MACC1: variants seen among roughly 807,000 people sequenced by gnomAD.
MACC1 encodes the protein MET transcriptional regulator MACC1.
In MACC1, 79 loss-of-function variants were observed where a neutral mutation model predicts 70.7. That is an observed-to-expected ratio of 1.12 (90% confidence interval 0.93 to 1.35). The LOEUF (loss-of-function observed/expected upper bound fraction) is 1.35, where lower values mean the gene tolerates loss of function less well. Ranked by LOEUF, MACC1 falls within the 40% of genes most tolerant of loss-of-function variation. The pLI is 0.00. For missense variants in MACC1, 1,106 were observed against 978.1 expected (o/e 1.13, Z -1.74); for synonymous variants, 361 against 347.2 (o/e 1.04, Z -0.44).
intron 5 of MACC1, among the ~76,000 whole-genome samples, chr7:20,155,043 A>G: frequency 6.6e-6 from 1 of 152,250 alleles, no homozygotes. Flanking sequence ...GGTATTAAAG[A>G]CAAAACACCT....
intron 1 of MACC1, among the ~76,000 whole-genome samples, chr7:20,196,832 G>C (rs183125637): frequency 6.6e-4 from 101 of 152,140 alleles, no homozygotes; most frequent in African/African-American, 2.4e-3. Flanking sequence ...AGTTCCTTTG[G>C]CTGAAAGGTA....
chr7:20,191,476 G>A (rs1214411499), intron 1 of MACC1, among the ~76,000 whole-genome samples: 3 of 131,632 alleles, frequency 2.3e-5, no homozygotes, highest in Non-Finnish European at 3.1e-5. Context: ...TGGAACTGAT[G>A]AGGAGGTGCT....
intron 1 of MACC1, among the ~76,000 whole-genome samples, chr7:20,207,808 ATATC>A (rs1782934674): frequency 6.6e-6 from 1 of 152,362 alleles, no homozygotes; most frequent in East Asian, 1.9e-4. Context: ...TCCATTCATA[ATATC>A]TATCATTGGC....
chr7:20,152,158 A>C (rs1583383843), intron 6 of MACC1, among the ~76,000 whole-genome samples: 1 of 152,314 alleles, frequency 6.6e-6, no homozygotes, highest in East Asian at 1.9e-4. Flanking sequence ...GTTAAAGGAG[A>C]GAAAGTAAGC....
chr7:20,176,402 C>A (rs1782393574), intron 1 of MACC1, among the ~76,000 whole-genome samples: 1 of 151,986 alleles, frequency 6.6e-6, no homozygotes, highest in South Asian at 2.1e-4. Context: ...CCAGATTCAA[C>A]CCGTATTGAA....
At position 20,154,475 on chromosome 7, in the gene MACC1, A is replaced by G. The variant is rs1583385240; in HGVS notation, c.2158-94T>C. 3 of 1,286,934 alleles carry G rather than the reference A, an allele frequency of 2.3e-6. No individual in the cohort carries two copies. In the East Asian group the frequency reaches 7.5e-5, roughly 32 times the overall value. The allele number at this position is 1,286,934 out of a possible 1,614,324, so 79.7% of individuals were successfully genotyped here. ...TTTTATTACATATTCTACAAATGGG[A>G]GTCCTTTTTTTTCACTACACGTATA... On this transcript the variant is annotated intron_variant, in intron 5 of 6. Coordinates refer to ENST00000400331, the MANE Select transcript of MACC1 (RefSeq NM_182762.4).
At chr7:20,178,761 T>A (rs10276266) in intron 1 of MACC1, among the ~76,000 whole-genome samples, 12,189 of 152,118 alleles carry the variant, frequency 0.08, 619 homozygotes, top group Non-Finnish European at 0.12. Flanking sequence ...CCACCACGCC[T>A]GGCTAATTTT....
intron 1 of MACC1, among the ~76,000 whole-genome samples, chr7:20,205,364 TTTTCCAGG>T (rs1782895952): frequency 6.6e-6 from 1 of 152,228 alleles, no homozygotes; most frequent in African/African-American, 2.4e-5. Context: ...TTAAAATATA[TTTTCCAGG>T]ACAAAGCAGG....
chr7:20,156,762 G>A (rs1373976851), intron 5 of MACC1, among the ~76,000 whole-genome samples: 1 of 151,998 alleles, frequency 6.6e-6, no homozygotes, highest in African/African-American at 2.4e-5. Flanking sequence ...GAGAGATAAT[G>A]TTATATATAT....
At position 20,135,858 on chromosome 7, in the gene MACC1, T is replaced by C. The variant is rs1165578084; in HGVS notation, c.*5088A>G. Reference sequence around the variant, plus strand: ...ACCAATTGTTCAAAAACAGTGTGTATTACATAATCAATTTCAAAAGATTAT... The same window carrying C: ...ACCAATTGTTCAAAAACAGTGTGTACTACATAATCAATTTCAAAAGATTAT... On this transcript the variant is annotated 3_prime_UTR_variant, in exon 7 of 7. Transcript: ENST00000400331. The C allele has an allele frequency of 1.3e-5, 2 of 152,208 alleles. No individual in the cohort carries two copies. The highest frequency in any genetic ancestry group is 4.8e-5 in the African/African-American group (2 of 41,450). 9.4% of individuals were successfully genotyped at this position (152,208 alleles called of 1,614,324 possible).
rs1169629474 is a variant in MACC1, at chr7:20,141,093, T to G, written c.2412A>C (p.Arg804Ser). The G allele has an allele frequency of 5.0e-6, 8 of 1,613,678 alleles. No individual in the cohort carries two copies. The South Asian group carries it at 7.7e-5, about 16-fold the overall frequency. Residue 804 changes from arginine to serine, a missense_variant, in exon 7 of 7, where the codon AGA (arginine) becomes AGC (serine). By Grantham distance (110) the Arg-to-Ser change is moderately radical. Transcript: ENST00000400331. ...TWSAHYGNNY[R>S]DVLQDLQSAL... Reference sequence around the variant, plus strand: ...CTGACTGAAGGTCTTGTAACACATCTCTGTAGTTATTTCCATAGTGAGCAC... The same window carrying G: ...CTGACTGAAGGTCTTGTAACACATCGCTGTAGTTATTTCCATAGTGAGCAC...
At chr7:20,181,814 G>A (rs1019170480) in intron 1 of MACC1, among the ~76,000 whole-genome samples, 3 of 151,820 alleles carry the variant, frequency 2.0e-5, no homozygotes, top group African/African-American at 7.3e-5. Context: ...TTAAAACATA[G>A]AACTTTCAAA....
chr7:20,184,876 T>A (rs1782561428), intron 1 of MACC1: 2 of 151,988 alleles, frequency 1.3e-5, no homozygotes, highest in African/African-American at 4.8e-5. Flanking sequence ...TATTTCATAT[T>A]ATTTCTTATT....
At chr7:20,215,459 G>T (rs949897464) in intron 1 of MACC1, among the ~76,000 whole-genome samples, 6 of 152,190 alleles carry the variant, frequency 3.9e-5, no homozygotes, top group African/African-American at 1.2e-4. Flanking sequence ...CCTTTTAGAA[G>T]TATACAGTGT....
chr7:20,179,478 G>A (rs554631691), intron 1 of MACC1, among the ~76,000 whole-genome samples: 1 of 152,172 alleles, frequency 6.6e-6, no homozygotes, highest in Admixed American at 6.5e-5. Context: ...AGTGGATTTC[G>A]GTTGCCTCCA....
At chr7:20,176,176 T>C (rs1166337440) in intron 1 of MACC1, among the ~76,000 whole-genome samples, 1 of 152,150 alleles carries the variant, frequency 6.6e-6, no homozygotes, top group Non-Finnish European at 1.5e-5. Flanking sequence ...GGTTTCTGAA[T>C]AGACTATTGT....
intron 1 of MACC1, among the ~76,000 whole-genome samples, chr7:20,195,717 G>C (rs143425478): frequency 6.6e-6 from 1 of 152,216 alleles, no homozygotes; most frequent in Non-Finnish European, 1.5e-5. Flanking sequence ...TGGAACAGGG[G>C]ATCAGTTAGC....
chr7:20,181,190 T>C (rs1472321404), intron 1 of MACC1, among the ~76,000 whole-genome samples: 3 of 152,034 alleles, frequency 2.0e-5, no homozygotes, highest in African/African-American at 7.2e-5. Flanking sequence ...TAAAACTATG[T>C]TCTAAAACTG....
intron 5 of MACC1, among the ~76,000 whole-genome samples, chr7:20,157,755 A>T (rs1196967040): frequency 2.1e-5 from 3 of 145,094 alleles, no homozygotes; most frequent in African/African-American, 2.6e-5. Context: ...CAACAGACCG[A>T]GACTTTGTCT....
Sources: gnomAD v4.1 joint callset for allele counts (sites outside exome capture counted in the v4.1 genomes callset) on GRCh38, gnomAD v4.1.1 for gene constraint, MANE v1.5 for transcripts, NCBI Gene and HGNC (gene_info 2026-07-23, HGNC 2026-07-21) for gene names.